The following C12orf42 variants were observed in gnomAD, a reference collection of about 807,000 sequenced individuals.
C12orf42 encodes uncharacterized protein C12orf42.
In C12orf42, 25 loss-of-function variants were observed where a neutral mutation model predicts 21.6. That is an observed-to-expected ratio of 1.16 (90% CI 0.84 to 1.62). The LOEUF (loss-of-function observed/expected upper bound fraction) is 1.62. Among genes scored for constraint, C12orf42 ranks in the 40% most tolerant of loss-of-function variants. The pLI is 0.00. For synonymous variants in C12orf42, 174 were observed against 175.0 expected (o/e 0.99, Z 0.05); for missense variants, 483 against 459.3 (o/e 1.05, Z -0.47).
intron 4 of C12orf42, among the ~76,000 whole-genome samples, chr12:103,282,649 GCAATA>G (rs1340709843): frequency 1.3e-5 from 2 of 152,126 alleles, no homozygotes; most frequent in Non-Finnish European, 2.9e-5. Context: ...CCATGATTAA[GCAATA>G]CATGGCTATA....
intron 4 of C12orf42, among the ~76,000 whole-genome samples, chr12:103,322,199 A>G (rs1358627044): frequency 6.6e-6 from 1 of 152,056 alleles, no homozygotes; most frequent in Non-Finnish European, 1.5e-5. Flanking sequence ...TACTCTAAGT[A>G]GTTTAAATGA....
chr12:103,204,773 A>C, the C12orf42 span, among the ~76,000 whole-genome samples: 19 of 152,302 alleles, frequency 1.2e-4, no homozygotes, highest in East Asian at 3.5e-3. Context: ...ATAATTTATA[A>C]ATTTTGATTA....
At chr12:103,296,462 G>C (rs1385509836) in intron 4 of C12orf42, among the ~76,000 whole-genome samples, 1 of 152,158 alleles carries the variant, frequency 6.6e-6, no homozygotes, top group Non-Finnish European at 1.5e-5. Flanking sequence ...GGTTGAACTA[G>C]CTTACAGTCC....
the C12orf42 span, among the ~76,000 whole-genome samples, chr12:103,196,128 G>C: frequency 1.3e-5 from 2 of 152,028 alleles, no homozygotes; most frequent in South Asian, 4.2e-4. Context: ...TTGTTATGTT[G>C]TAACTTTGTT....
rs558590482 is a variant in C12orf42 at position 103,308,469 on chromosome 12, T to C, written c.260-2124A>G. ...TCAATTAGACAGTGCAGATAAACTT[T>C]AGAGAGTCAATGTAGTTTAGCATTC... On this transcript the variant is annotated intron_variant, in intron 4 of 5. Transcript: ENST00000548883. Among the ~76,000 whole-genome samples, 7 of 152,332 alleles carry C rather than the reference T, an allele frequency of 4.6e-5. No individual in the cohort carries two copies. The South Asian group carries it at 8.3e-4, about 18-fold the overall frequency.
the C12orf42 span, among the ~76,000 whole-genome samples, chr12:103,074,972 C>G: frequency 6.6e-6 from 1 of 151,860 alleles, no homozygotes. Context: ...GCCTGTGGTC[C>G]CAGCTACTTG....
At chr12:103,111,341 G>T in the C12orf42 span, among the ~76,000 whole-genome samples, 8 of 152,238 alleles carry the variant, frequency 5.3e-5, no homozygotes, top group Admixed American at 5.2e-4. Flanking sequence ...TTTCACTTCT[G>T]CACAAATGTA....
chr12:103,426,392 G>A (rs1175885332), intron 2 of C12orf42, among the ~76,000 whole-genome samples: 2 of 152,152 alleles, frequency 1.3e-5, no homozygotes, highest in Non-Finnish European at 2.9e-5. Flanking sequence ...GAAATAAAGT[G>A]TGAAAACAAG....
chr12:103,201,114 G>A, the C12orf42 span, among the ~76,000 whole-genome samples: 19 of 152,340 alleles, frequency 1.2e-4, no homozygotes, highest in African/African-American at 4.6e-4. Flanking sequence ...AATTTTTGAA[G>A]CATTAGCTGT....
chr12:103,377,541 T>C (rs1448941144), intron 3 of C12orf42, among the ~76,000 whole-genome samples: 1 of 151,794 alleles, frequency 6.6e-6, no homozygotes, highest in African/African-American at 2.4e-5. Context: ...AGGGCCCGAG[T>C]GTCCCACAGG....
At position 103,302,508 on chromosome 12, in the gene C12orf42, G is replaced by A. The variant is rs747232327; in HGVS notation, c.683C>T (p.Thr228Met). The change falls in exon 6 of 6, where the codon ACG becomes ATG. Residue 228 changes from threonine to methionine, a missense_variant. Coordinates refer to ENST00000548883, the MANE Select transcript of C12orf42 (RefSeq NM_198521.5). ...TAIGLCRRSQ[T>M]PGALQSTGPS... is the part of the protein sequence containing the mutation. ...GCCGGTGCTCTGCAGAGCGCCGGGC[G>A]TCTGGCTCCTCCTGCAGAGGCCGAT... 6.2e-7 allele frequency: 1 copy of A among 1,613,082 alleles called. No individual in the cohort carries two copies. Among genetic ancestry groups the A allele is most frequent in the Non-Finnish European group, 8.5e-7 (1 of 1,179,790 alleles).
rs181925098 is a variant in C12orf42 at position 103,284,332 on chromosome 12, A to G, written n.338-7122T>C. Among the ~76,000 whole-genome samples the G allele has an allele frequency of 2.4e-3, 371 of 152,292 alleles. 3 individuals carry two copies. Among genetic ancestry groups the G allele is most frequent in the African/African-American group, 8.5e-3 (353 of 41,546 alleles). On this transcript the variant is annotated intron_variant and non_coding_transcript_variant, in intron 4 of 6. Transcript: ENST00000546526. ...TTGACTTGGGACAAATTGTTGGGGA[A>G]AAAAAAGCAGAATGAACTGGAAAAG...
At chr12:103,215,619 C>T in the C12orf42 span, among the ~76,000 whole-genome samples, 3 of 152,224 alleles carry the variant, frequency 2.0e-5, no homozygotes, top group African/African-American at 7.2e-5. Flanking sequence ...AGATTCTGCT[C>T]TGTCCTTCAC....
chr12:103,338,782 G>A (rs2041934660), intron 4 of C12orf42, among the ~76,000 whole-genome samples: 1 of 152,108 alleles, frequency 6.6e-6, no homozygotes, highest in Admixed American at 6.5e-5. Context: ...ATTGATGTGT[G>A]CATTTGCAGA....
chr12:103,484,678 C>T (rs552868873), intron 1 of C12orf42, among the ~76,000 whole-genome samples: 29 of 151,984 alleles, frequency 1.9e-4, no homozygotes, highest in Non-Finnish European at 3.4e-4. Context: ...TCCAATTTGT[C>T]GATTTTGGCT....
At chr12:103,357,927 T>C (rs2137616543) in intron 4 of C12orf42, among the ~76,000 whole-genome samples, 1 of 152,224 alleles carries the variant, frequency 6.6e-6, no homozygotes, top group Admixed American at 6.5e-5. Context: ...TTTTCCAAGA[T>C]TCTGTCGGTT....
intron 2 of C12orf42, among the ~76,000 whole-genome samples, chr12:103,475,805 T>C (rs1329337901): frequency 6.6e-6 from 1 of 152,230 alleles, no homozygotes; most frequent in African/African-American, 2.4e-5. Flanking sequence ...ATCTGAATTA[T>C]CAAACATTTT....
At chr12:103,285,368 C>G (rs1308837794) in intron 4 of C12orf42, among the ~76,000 whole-genome samples, 3 of 152,172 alleles carry the variant, frequency 2.0e-5, no homozygotes, top group Admixed American at 1.3e-4. Context: ...AGAATTATTT[C>G]CTCCATTTTA....
the C12orf42 span, among the ~76,000 whole-genome samples, chr12:103,507,840 A>C: frequency 2.3e-4 from 35 of 152,266 alleles, no homozygotes; most frequent in Non-Finnish European, 4.6e-4. Flanking sequence ...GCAAGACATA[A>C]GCTCCTGGCA....
Sources: allele counts gnomAD v4.1 joint callset (sites outside exome capture counted in the v4.1 genomes callset), GRCh38; gene constraint gnomAD v4.1.1; transcripts MANE v1.5; gene names NCBI Gene and HGNC (gene_info 2026-07-23, HGNC 2026-07-21).